Variants in GLI2 observed in about 807,000 individuals in gnomAD.
GLI2 encodes GLI family zinc finger 2.
GLI2 carries 22 observed loss-of-function variants against 78.9 expected under a neutral mutation model. The ratio of observed to expected loss-of-function variants is 0.28; its 90% CI spans 0.20 to 0.40. GLI2 has a LOEUF of 0.40. Ranked by LOEUF, GLI2 falls within the 10% of genes least tolerant of loss-of-function variation. The pLI is 1.00. For missense variants in GLI2, 2,097 were observed against 2,213.2 expected, an observed-to-expected ratio of 0.95 and a Z score of 1.05; for synonymous variants, 974 against 963.7, an observed-to-expected ratio of 1.01 and a Z score of -0.20.
chr2:120,916,605 C>T (rs1367715206), intron 2 of GLI2, among the ~76,000 whole-genome samples: 1 of 152,256 alleles, frequency 6.6e-6, no homozygotes, highest in Non-Finnish European at 1.5e-5. Flanking sequence ...CGGGGCACTC[C>T]CTGTGGGCAG....
chr2:120,947,003 G>A (rs1260344969), intron 3 of GLI2, among the ~76,000 whole-genome samples: 1 of 152,264 alleles, frequency 6.6e-6, no homozygotes, highest in Non-Finnish European at 1.5e-5. Context: ...AACATAGTGG[G>A]GTTGGGGGGT....
At chr2:120,907,006 C>T (rs72955345) in intron 2 of GLI2, among the ~76,000 whole-genome samples, 3,043 of 152,174 alleles carry the variant, frequency 0.02, 114 homozygotes, top group African/African-American at 0.07. Flanking sequence ...ACACACACAC[C>T]CCACCCTCCA....
chr2:120,986,372 C>G lies in GLI2; in HGVS notation c.2000C>G (p.Pro667Arg). ...AACAATGACAGTGGCGTGGAGATGC[C>G]GGGGACGGGGCCCGGGAGCCTGGGA... Reference protein sequence around the residue: ...APNNDSGVEMPGTGPGSLGDL... With the variant: ...APNNDSGVEMRGTGPGSLGDL... The change falls in exon 13 of 14, where the codon CCG becomes CGG. Residue 667 changes from proline to arginine, a missense_variant. Coordinates refer to ENST00000361492, the MANE Select transcript of GLI2 (RefSeq NM_001374353.1). 1 of 1,613,548 alleles carries G rather than the reference C, an allele frequency of 6.2e-7. No homozygotes were observed. Among genetic ancestry groups the G allele is most frequent in the African/African-American group, 1.3e-5 (1 of 75,066 alleles).
At chr2:120,846,893 C>T (rs768454320) in intron 2 of GLI2, among the ~76,000 whole-genome samples, 1 of 152,252 alleles carries the variant, frequency 6.6e-6, no homozygotes, top group Non-Finnish European at 1.5e-5. Context: ...CCAGGCCTTG[C>T]ACAGCGCGGG....
intron 5 of GLI2, among the ~76,000 whole-genome samples, chr2:120,966,188 G>A (rs946180971): frequency 2.0e-5 from 3 of 152,088 alleles, no homozygotes; most frequent in African/African-American, 7.2e-5. Flanking sequence ...CATCTCAACT[G>A]TAGCCACTCT....
intron 2 of GLI2, among the ~76,000 whole-genome samples, chr2:120,880,479 G>T (rs577699961): frequency 6.6e-6 from 1 of 152,008 alleles, no homozygotes; most frequent in Admixed American, 6.6e-5. Flanking sequence ...TCCCCGCCTC[G>T]CAGACAAGGG....
At chr2:120,975,469 G>A (rs920363948) in intron 9 of GLI2, among the ~76,000 whole-genome samples, 5 of 152,066 alleles carry the variant, frequency 3.3e-5, no homozygotes, top group African/African-American at 1.2e-4. Context: ...AATAGCCAGT[G>A]CAAAGAGGGA....
intron 2 of GLI2, among the ~76,000 whole-genome samples, chr2:120,923,198 TATAC>T (rs1187290978): frequency 6.7e-6 from 1 of 149,026 alleles, no homozygotes; most frequent in African/African-American, 2.5e-5. Context: ...CAGCAACACT[TATAC>T]ACATACAGCA....
At chr2:120,831,958 G>A (rs373378390) in intron 2 of GLI2, among the ~76,000 whole-genome samples, 61 of 152,352 alleles carry the variant, frequency 4.0e-4, no homozygotes, top group African/African-American at 1.3e-3. Flanking sequence ...GCTGGACTGC[G>A]TCTGCTGCCC....
At chr2:120,794,338 G>C (rs1317325144) in intron 1 of GLI2, among the ~76,000 whole-genome samples, 1 of 152,200 alleles carries the variant, frequency 6.6e-6, no homozygotes, top group Non-Finnish European at 1.5e-5. Context: ...CCTGTTAGGA[G>C]GGTCAGGCAG....
Position 120,989,500 on chromosome 2 carries a change from G to C in GLI2, c.3535G>C (p.Gly1179Arg). 1 of 1,612,172 alleles carries C rather than the reference G, an allele frequency of 6.2e-7. No individual in the cohort carries two copies. The highest frequency in any genetic ancestry group is 1.1e-5 in the South Asian group (1 of 91,022). Reference sequence around the variant, plus strand: ...TCCGCAAGGCCTACAGGCTAGCCCTGGGGGCCTGGACAGCACGCAGCCACA... The same window carrying C: ...TCCGCAAGGCCTACAGGCTAGCCCTCGGGGCCTGGACAGCACGCAGCCACA... ...YSPQGLQASPGGLDSTQPHLQ... is the reference protein window; with the variant it reads ...YSPQGLQASPRGLDSTQPHLQ... The change falls in exon 14 of 14, where the codon GGG becomes CGG. Residue 1179 changes from glycine to arginine, a missense_variant. Physicochemically the swap from Gly to Arg is moderately radical, Grantham distance 125. Around this residue, in one of 5 missense-constraint regions of GLI2, gnomAD observed 1,290 missense variants for 1,261.7 expected, o/e 1.02. Coordinates refer to ENST00000361492, the MANE Select transcript of GLI2 (RefSeq NM_001374353.1).
intron 2 of GLI2, among the ~76,000 whole-genome samples, chr2:120,799,408 T>C (rs1224835617): frequency 1.3e-5 from 2 of 152,204 alleles, no homozygotes; most frequent in Middle Eastern, 3.2e-3. Context: ...AGAGCAGTCT[T>C]GGGCCATGTG....
At chr2:120,956,882 C>G (rs1307638727) in intron 5 of GLI2, among the ~76,000 whole-genome samples, 4 of 152,156 alleles carry the variant, frequency 2.6e-5, no homozygotes, top group Non-Finnish European at 5.9e-5. Flanking sequence ...CCCCAGGGCT[C>G]TGTTCCAGGG....
At chr2:120,848,623 C>G (rs940036717) in intron 2 of GLI2, among the ~76,000 whole-genome samples, 3 of 152,192 alleles carry the variant, frequency 2.0e-5, no homozygotes, top group Non-Finnish European at 4.4e-5. Flanking sequence ...AAGAAGTCTC[C>G]TTGGCACCTT....
intron 1 of GLI2, among the ~76,000 whole-genome samples, chr2:120,779,847 C>G (rs905972842): frequency 2.0e-5 from 3 of 152,232 alleles, no homozygotes; most frequent in African/African-American, 7.2e-5. Context: ...GCCTCGGGCT[C>G]TGTTCTCCTT....
chr2:120,954,632 A>G (rs1573666909), intron 4 of GLI2, among the ~76,000 whole-genome samples: 1 of 151,950 alleles, frequency 6.6e-6, no homozygotes, highest in African/African-American at 2.4e-5. Context: ...TCCTGACACC[A>G]CCCTGCTGAG....
intron 2 of GLI2, among the ~76,000 whole-genome samples, chr2:120,847,753 G>A (rs1370555112): frequency 6.7e-6 from 1 of 148,744 alleles, no homozygotes; most frequent in Admixed American, 6.7e-5. Flanking sequence ...CTGCGTGGGG[G>A]GCAGGGGCGG....
At chr2:120,863,913 T>C (rs1245859783) in intron 2 of GLI2, among the ~76,000 whole-genome samples, 1 of 151,870 alleles carries the variant, frequency 6.6e-6, no homozygotes, top group Non-Finnish European at 1.5e-5. Flanking sequence ...GGAGAGAGGG[T>C]GGCGTCTGCT....
At chr2:120,860,367 T>C (rs906382687) in intron 2 of GLI2, among the ~76,000 whole-genome samples, 2 of 152,094 alleles carry the variant, frequency 1.3e-5, no homozygotes, top group African/African-American at 4.8e-5. Flanking sequence ...ATCTGCAGGG[T>C]GGGGCTCACT....
Sources: gnomAD v4.1 joint callset for allele counts (sites outside exome capture counted in the v4.1 genomes callset) on GRCh38, gnomAD v4.1.1 for gene constraint, gnomAD v4.1.1 regional missense constraint, MANE v1.5 for transcripts, NCBI Gene and HGNC (gene_info 2026-07-23, HGNC 2026-07-21) for gene names.